The following ARSA variants were observed in gnomAD, a reference collection of about 807,000 sequenced individuals.
ARSA encodes the protein cerebroside-sulfatase.
In ARSA, 32 loss-of-function variants were observed where a neutral mutation model predicts 37.8. The observed-to-expected ratio is 0.85, with a 90% CI of 0.64 to 1.14. The LOEUF (loss-of-function observed/expected upper bound fraction) is 1.14. Among genes scored for constraint, ARSA ranks in the 50% most tolerant of loss-of-function variants. ARSA has a pLI of 0.00. For missense variants in ARSA, 685 were observed against 686.3 expected, an observed-to-expected ratio of 1.00 and a Z score of 0.02; for synonymous variants, 303 against 303.4, an observed-to-expected ratio of 1.00 and a Z score of 0.01.
chr22:50,625,343 C>T lies in ARSA; in HGVS notation c.1332G>A (p.Leu444=), dbSNP rs540031338. The T allele has an allele frequency of 6.2e-7, 1 of 1,611,684 alleles. No homozygotes were observed. Among genetic ancestry groups the T allele is most frequent in the Non-Finnish European group, 8.5e-7 (1 of 1,179,088 alleles). The change falls in exon 8 of 8, where the codon CTG becomes CTA. Residue 444 remains leucine, a synonymous_variant. Transcript: ENST00000216124. ...CTGGGGTGGCCCCGGCCACACCCCCCAGCAGGTTGTAGTTCTCACCAGGGT... is the reference window on the plus strand; with the variant it reads ...CTGGGGTGGCCCCGGCCACACCCCCTAGCAGGTTGTAGTTCTCACCAGGGT... ...SKDPGENYNL[L]GGVAGATPEV... is the part of the protein sequence containing the mutation.
chr22:50,625,053 G>A lies in ARSA; in HGVS notation c.*92C>T, dbSNP rs1336945960. 15 of 1,365,580 alleles carry A rather than the reference G, an allele frequency of 1.1e-5. No individual in the cohort carries two copies. Among genetic ancestry groups the A allele is most frequent in the African/African-American group, 1.5e-5 (1 of 68,128 alleles). 84.6% of individuals were successfully genotyped at this position (1,365,580 alleles called of 1,614,324 possible). A position where few individuals can be genotyped will look rare whatever the true frequency, so the allele number is the denominator to read the frequency against. On this transcript the variant is annotated 3_prime_UTR_variant, in exon 8 of 8. Coordinates refer to ENST00000216124, the MANE Select transcript of ARSA (RefSeq NM_000487.6). ...TGCAAGTCTCCACTGGTGTTATTAC[G>A]TTATCAGGCACAAACCCCCTCCAGA...
In ARSA at chr22:50,627,757, GA is replaced by G; in HGVS notation, c.22del (p.Ser8ProfsTer20). MSMGAPRSLLLALAAGLA... is the reference protein window; with the variant it reads MSMGAPRXLLLALAAGLA... ...GCCAGCAGCCAGGGCCAGGAGGAGG[GA>G]CCGCGGTGCCCCCATGGACATGGGA... is the stretch of plus-strand genomic sequence containing the variant. On this transcript the variant is annotated frameshift_variant, in exon 1 of 8. Transcript: ENST00000216124. LOFTEE classifies it high-confidence loss of function. 6.5e-7 allele frequency: 1 copy of G among 1,547,848 alleles called. No homozygotes were observed. The highest frequency in any genetic ancestry group is 8.7e-7 in the Non-Finnish European group (1 of 1,147,098).
chr22:50,624,946 G>A lies in ARSA; in HGVS notation c.*199C>T. 1.5e-6 allele frequency: 1 copy of A among 657,256 alleles called. No homozygotes were observed. 40.7% of individuals were successfully genotyped at this position (657,256 alleles called of 1,614,324 possible). A position where few individuals can be genotyped will look rare whatever the true frequency, so the allele number is the denominator to read the frequency against. ...TCTTGTACAAGTCCTGAACCTCTCT[G>A]CACCTCAGTTTCCTCATTCGTACCA... On this transcript the variant is annotated 3_prime_UTR_variant, in exon 8 of 8. Coordinates refer to ENST00000216124, the MANE Select transcript of ARSA (RefSeq NM_000487.6).
chr22:50,627,737 C>A lies in ARSA; in HGVS notation c.43G>T (p.Ala15Ser). Residue 15 changes from alanine to serine, a missense_variant, in exon 1 of 8, where the codon GCT becomes TCT. Transcript: ENST00000216124. ...APRSLLLALA[A>S]GLAVARPPNI... ...GGCGGACGGGCAACGGCCAGGCCAG[C>A]AGCCAGGGCCAGGAGGAGGGACCGC... 6.4e-7 allele frequency: 1 copy of A among 1,551,232 alleles called. No homozygotes were observed. Among genetic ancestry groups the A allele is most frequent in the Non-Finnish European group, 8.7e-7 (1 of 1,147,754 alleles).
rs2082633915 is a variant in ARSA at position 50,624,693 on chromosome 22, C to T, written c.*452G>A. Among the ~76,000 whole-genome samples the T allele has an allele frequency of 6.6e-6, 1 of 152,216 alleles. No homozygotes were observed. The highest frequency in any genetic ancestry group is 1.9e-4 in the East Asian group (1 of 5,200). ...GGGAATATCCCGTCTCTCTCAGGCACTTTGCATCTTCTGAGTCTTCTGGCC... is the reference window on the plus strand; with the variant it reads ...GGGAATATCCCGTCTCTCTCAGGCATTTTGCATCTTCTGAGTCTTCTGGCC... On this transcript the variant is annotated 3_prime_UTR_variant, in exon 8 of 8. Transcript: ENST00000216124.
intron 2 of ARSA, 52 bp from the exon 3 acceptor site, chr22:50,627,104 G>A: frequency 6.3e-7 from 1 of 1,594,780 alleles, no homozygotes; most frequent in Non-Finnish European, 8.6e-7. Flanking sequence ...GGCTGCGGGA[G>A]CATCAAGGGC....
chr22:50,627,338 G>GA lies in ARSA; in HGVS notation c.292dup (p.Ser98PhefsTer36). On this transcript the variant is annotated frameshift_variant, in exon 2 of 8. Transcript: ENST00000216124. LOFTEE classifies it high-confidence loss of function. Reference sequence around the variant, plus strand: ...CTCCTCCAGGGGCAGGCCCCCCCGGGAGCTGGGCACCAGGACGCCAGGGTA... The same window carrying GA: ...CTCCTCCAGGGGCAGGCCCCCCCGGGAAGCTGGGCACCAGGACGCCAGGGTA... 6.3e-7 allele frequency: 1 copy of GA among 1,595,082 alleles called. No homozygotes were observed. Among genetic ancestry groups the GA allele is most frequent in the Non-Finnish European group, 8.5e-7 (1 of 1,172,182 alleles).
Position 50,625,930 on chromosome 22 carries a change from C to T in ARSA, c.1107+6G>A, listed in dbSNP as rs1195869331. On this transcript the variant is annotated splice_donor_region_variant and intron_variant, in intron 6 of 7. Transcript: ENST00000216124. ...AGGATCTGGGATCAGGGGTCACCGG[C>T]CCTACCTTGCCTGTGCCCAGCAGCA... 2.5e-6 allele frequency: 4 copies of T among 1,569,816 alleles called. No individual in the cohort carries two copies. The highest frequency in any genetic ancestry group is 3.5e-6 in the Non-Finnish European group (4 of 1,158,016).
chr22:50,626,490 C>T (rs1360093556), intron 4 of ARSA, 101 bp downstream of exon 4: 2 of 1,564,398 alleles, frequency 1.3e-6, no homozygotes, highest in Non-Finnish European at 1.7e-6. Context: ...TCTCCTGGCA[C>T]CCCCTCACCC....
intron 1 of ARSA, 64 bp from the exon 2 acceptor site, chr22:50,627,470 C>G (rs1462577494): frequency 6.9e-6 from 11 of 1,600,098 alleles, no homozygotes; most frequent in Non-Finnish European, 9.4e-6. Context: ...GAGAGAGAGA[C>G]AGACGTTTTT....
rs770694856 is a variant in ARSA, at chr22:50,626,946, G to A, written c.572C>T (p.Ala191Val). 1.3e-5 allele frequency: 21 copies of A among 1,613,074 alleles called. No individual in the cohort carries two copies. The South Asian group carries it at 1.4e-4, about 11-fold the overall frequency. ...TAGTCCGGGCAGCCAGGGGGGCTGC[G>A]CCTCCACGGACAGGTTGGCCAACAG... is the stretch of plus-strand genomic sequence containing the variant. ...IPLLANLSVE[A>V]QPPWLPGLEA... The change falls in exon 3 of 8, where the codon GCG becomes GTG. Residue 191 changes from alanine to valine, a missense_variant. By Grantham distance (64) the Ala-to-Val change is moderately conservative. Coordinates refer to ENST00000216124, the MANE Select transcript of ARSA (RefSeq NM_000487.6).
Position 50,623,728 on chromosome 22 carries a change from G to C in ARSA, c.*1417C>G, listed in dbSNP as rs1405941650. ...AGCCTGGCCAACATGGTGAAATCTT[G>C]TCTCTATTAAATAAAAAAAAATTAG... On this transcript the variant is annotated 3_prime_UTR_variant, in exon 8 of 8. Transcript: ENST00000216124. 6.6e-6 allele frequency: 1 copy of C among 151,748 alleles called. No individual in the cohort carries two copies. Among genetic ancestry groups the C allele is most frequent in the African/African-American group, 2.4e-5 (1 of 41,278 alleles). The allele number at this position is 151,748 out of a possible 1,614,324, so 9.4% of individuals were successfully genotyped here.
chr22:50,624,741 C>T lies in ARSA; in HGVS notation c.*404G>A, dbSNP rs2082634946. ...GCCCTCACACCCTCCCACCCTCCCACCCCGTTCCTGGCACTCAAAGGCACG... is the reference window on the plus strand; with the variant it reads ...GCCCTCACACCCTCCCACCCTCCCATCCCGTTCCTGGCACTCAAAGGCACG... On this transcript the variant is annotated 3_prime_UTR_variant, in exon 8 of 8. Transcript: ENST00000216124. Among the ~76,000 whole-genome samples the T allele has an allele frequency of 6.7e-6, 1 of 149,178 alleles. No homozygotes were observed. The highest frequency in any genetic ancestry group is 1.5e-5 in the Non-Finnish European group (1 of 67,426).
rs747155690 is a variant in ARSA, at chr22:50,625,632, C to T, written c.1157G>A (p.Arg386His). 1.4e-5 allele frequency: 23 copies of T among 1,613,656 alleles called. No homozygotes were observed. In the South Asian group the frequency reaches 1.4e-4, roughly 10 times the overall value. The change falls in exon 7 of 8, where the codon CGT (arginine) becomes CAT (histidine). Residue 386 changes from arginine (R) to histidine (H), a missense_variant. Transcript: ENST00000216124. Reference sequence around the variant, plus strand: ...TCCAGTCCGCACAGCAAAAACCCCACGGACCTCGTCTGGGTAGGACGGGTA... The same window carrying T: ...TCCAGTCCGCACAGCAAAAACCCCATGGACCTCGTCTGGGTAGGACGGGTA... ...FFYPSYPDEV[R>H]GVFAVRTGKY...
Position 50,627,095 on chromosome 22 carries a change from G to A in ARSA, c.466-43C>T, listed in dbSNP as rs1411651009. 7 of 1,595,502 alleles carry A rather than the reference G, an allele frequency of 4.4e-6. No homozygotes were observed. The South Asian group carries it at 4.5e-5, about 10-fold the overall frequency. On this transcript the variant is annotated intron_variant, in intron 2 of 7. Coordinates refer to ENST00000216124, the MANE Select transcript of ARSA (RefSeq NM_000487.6). ...CGTGAGGGCTGGGCTGGCAGGTGGG[G>A]CTGCGGGAGCATCAAGGGCTGGGGG... is the stretch of plus-strand genomic sequence containing the variant.
In ARSA at chr22:50,623,575, G is replaced by A. The variant is rs79823940; in HGVS notation, c.*1570C>T. Among the ~76,000 whole-genome samples, 12,146 of 152,090 alleles carry A rather than the reference G, an allele frequency of 0.08. 589 individuals carry two copies. The highest frequency in any genetic ancestry group is 0.27 in the East Asian group (1,403 of 5,140). On this transcript the variant is annotated 3_prime_UTR_variant, in exon 8 of 8. Transcript: ENST00000216124. ...CCACCTCAACCTCCCAAATTGCTAG[G>A]ACAAATGCTACCACGCCTGGCTAAT... is the stretch of plus-strand genomic sequence containing the variant.
chr22:50,626,992 GGT>G lies in ARSA; in HGVS notation c.524_525del (p.Asp175AlafsTer34). 6.2e-7 allele frequency: 1 copy of G among 1,612,458 alleles called. No homozygotes were observed. Among genetic ancestry groups the G allele is most frequent in the Non-Finnish European group, 8.5e-7 (1 of 1,179,730 alleles). ...AACAGTGGGATGGGGACCAGGCCCT[GGT>G]CACAGCCACCGTCGCAAGGAGTGGC... ...PPATPCDGGCDQGLVPIPLLA... is the reference protein window; with the variant it reads ...PPATPCDGGCXQGLVPIPLLA... On this transcript the variant is annotated frameshift_variant, in exon 3 of 8. Transcript: ENST00000216124. LOFTEE classifies it high-confidence loss of function.
At chr22:50,626,340 C>T in intron 4 of ARSA, 62 bp from the exon 5 acceptor site, 1 of 1,592,314 alleles carries the variant, frequency 6.3e-7, no homozygotes, top group Non-Finnish European at 8.5e-7. Flanking sequence ...CGAGGGTGAC[C>T]AGTGGCCCCA....
Position 50,626,679 on chromosome 22 carries a change from G to A in ARSA, c.766C>T (p.Leu256=). The A allele has an allele frequency of 6.2e-7, 1 of 1,614,172 alleles. No individual in the cohort carries two copies. The highest frequency in any genetic ancestry group is 1.1e-5 in the South Asian group (1 of 91,092). The change falls in exon 4 of 8, where the codon CTG becomes TTG. Residue 256 remains leucine, a synonymous_variant. Transcript: ENST00000216124. ...ATCAGGGTCCCCACAGCTGCATCCA[G>A]CTCCATCAGGGAGTCCCCAAATGGC... The part of the protein sequence containing the change: ...RGPFGDSLME[L]DAAVGTLMTA...
Sources: allele counts gnomAD v4.1 joint callset (sites outside exome capture counted in the v4.1 genomes callset), GRCh38; gene constraint gnomAD v4.1.1; transcripts MANE v1.5; gene names NCBI Gene and HGNC (gene_info 2026-07-23, HGNC 2026-07-21).